The following MAST2 variants were observed in gnomAD, a reference collection of about 807,000 sequenced individuals.
MAST2 encodes the protein microtubule-associated serine/threonine-protein kinase 2.
MAST2 carries 70 observed loss-of-function variants against 147.4 expected under a neutral mutation model. That is an observed-to-expected ratio of 0.47 (90% confidence interval 0.39 to 0.58). The LOEUF (loss-of-function observed/expected upper bound fraction) is 0.58, where lower values mean the gene tolerates loss of function less well. Ranked by LOEUF, MAST2 falls within the 20% of genes least tolerant of loss-of-function variation. The pLI, the probability that MAST2 is intolerant of heterozygous loss-of-function variation, is 0.00. For missense variants in MAST2, 2,080 were observed against 2,302.3 expected, an observed-to-expected ratio of 0.90 and a Z score of 1.98; for synonymous variants, 869 against 896.8, an observed-to-expected ratio of 0.97 and a Z score of 0.55.
At chr1:45,853,192 A>G (rs1184087831) in intron 3 of MAST2, among the ~76,000 whole-genome samples, 1 of 152,122 alleles carries the variant, frequency 6.6e-6, no homozygotes, top group Non-Finnish European at 1.5e-5. Flanking sequence ...GGCCTCCCAA[A>G]GTGCTGGGAT....
chr1:45,811,970 A>G (rs1181949766), intron 1 of MAST2, among the ~76,000 whole-genome samples: 3 of 151,766 alleles, frequency 2.0e-5, no homozygotes, highest in Non-Finnish European at 4.4e-5. Context: ...GGGTTTCACC[A>G]TGTTGGCCAG....
At chr1:45,881,582 T>C (rs1646847017) in intron 3 of MAST2, among the ~76,000 whole-genome samples, 1 of 152,212 alleles carries the variant, frequency 6.6e-6, no homozygotes, top group African/African-American at 2.4e-5. Flanking sequence ...TTATTTCTTA[T>C]GCCAGTGGTG....
chr1:45,988,996 G>A (rs1644757239), intron 5 of MAST2, among the ~76,000 whole-genome samples: 1 of 152,096 alleles, frequency 6.6e-6, no homozygotes, highest in Non-Finnish European at 1.5e-5. Context: ...TCAAGATCTG[G>A]GTTCTAGGAA....
intron 5 of MAST2, among the ~76,000 whole-genome samples, chr1:45,982,655 G>C (rs530826238): frequency 3.9e-5 from 6 of 152,222 alleles, no homozygotes; most frequent in African/African-American, 1.4e-4. Flanking sequence ...GTAATAATAA[G>C]TATAGTGCTT....
intron 7 of MAST2, among the ~76,000 whole-genome samples, chr1:46,005,392 AT>A (rs1645446306): frequency 6.6e-6 from 1 of 150,458 alleles, no homozygotes; most frequent in Non-Finnish European, 1.5e-5. Flanking sequence ...CAGATCATTG[AT>A]TAGTTTGGTA....
intron 3 of MAST2, among the ~76,000 whole-genome samples, chr1:45,853,783 T>C (rs1645700282): frequency 6.6e-6 from 1 of 152,188 alleles, no homozygotes; most frequent in Admixed American, 6.5e-5. Context: ...TCTGATTGTG[T>C]TCTTGGTGTC....
At chr1:45,971,245 G>T (rs1643902201) in intron 5 of MAST2, among the ~76,000 whole-genome samples, 1 of 152,158 alleles carries the variant, frequency 6.6e-6, no homozygotes, top group Non-Finnish European at 1.5e-5. Flanking sequence ...ACCAAAGCTG[G>T]TCCACAGTTA....
chr1:45,906,543 AT>A (rs1007022259), intron 4 of MAST2, among the ~76,000 whole-genome samples: 3 of 147,946 alleles, frequency 2.0e-5, no homozygotes, highest in African/African-American at 7.7e-5. Context: ...TGTTAAAAAA[AT>A]AATGTAGCCT....
intron 4 of MAST2, chr1:45,913,950 T>C (rs929115628): frequency 4.8e-6 from 5 of 1,037,760 alleles, no homozygotes; most frequent in African/African-American, 1.7e-5. Context: ...CTAACACAGC[T>C]TCGTTCATTT....
At chr1:45,868,608 ATTATTTTGG>A (rs1646257957) in intron 3 of MAST2, among the ~76,000 whole-genome samples, 1 of 151,996 alleles carries the variant, frequency 6.6e-6, no homozygotes, top group South Asian at 2.1e-4. Context: ...CGGGTACTTA[ATTATTTTGG>A]AGGATATATG....
chr1:45,948,601 G>T (rs1486962866), intron 4 of MAST2, among the ~76,000 whole-genome samples: 1 of 150,314 alleles, frequency 6.7e-6, no homozygotes, highest in African/African-American at 2.4e-5. Flanking sequence ...CAGCTACCTG[G>T]GAGGCTGAGG....
chr1:45,812,335 T>C (rs1644327753), intron 1 of MAST2, among the ~76,000 whole-genome samples: 1 of 152,044 alleles, frequency 6.6e-6, no homozygotes, highest in Non-Finnish European at 1.5e-5. Context: ...GGTTGGCAAA[T>C]GTTCCCTGAT....
chr1:45,882,304 G>A (rs2148302499), intron 3 of MAST2, 60 bp from the exon 4 acceptor site: 1 of 1,130,494 alleles, frequency 8.8e-7, no homozygotes, highest in Non-Finnish European at 1.3e-6. Flanking sequence ...GGACATTTAG[G>A]TAGACCAACA....
In MAST2 at chr1:46,032,162, G is replaced by C; in HGVS notation, c.3188-16G>C. ...AAGCCCTCTGACCCACTAAGTCCTG[G>C]CTTCTCCTTCTCCAGAACACCACAC... On this transcript the variant is annotated splice_polypyrimidine_tract_variant and intron_variant, in intron 24 of 28. Transcript: ENST00000361297. 6.2e-7 allele frequency: 1 copy of C among 1,609,350 alleles called. No individual in the cohort carries two copies.
intron 17 of MAST2, among the ~76,000 whole-genome samples, chr1:46,028,075 C>T (rs568333355): frequency 2.0e-5 from 3 of 152,312 alleles, no homozygotes; most frequent in Admixed American, 2.0e-4. Flanking sequence ...CATATGCCTA[C>T]CTTGTAGCTA....
chr1:46,025,933 G>T, intron 16 of MAST2, 118 bp downstream of exon 16: 3 of 1,320,936 alleles, frequency 2.3e-6, no homozygotes, highest in Non-Finnish European at 3.2e-6. Context: ...ACATGCTCCT[G>T]TGTGTGTCCA....
intron 3 of MAST2, among the ~76,000 whole-genome samples, chr1:45,879,637 T>C (rs1316883480): frequency 6.7e-6 from 1 of 150,294 alleles, no homozygotes; most frequent in African/African-American, 2.4e-5. Flanking sequence ...TTAGAACATA[T>C]TTATAAAACA....
chr1:46,009,812 T>C (rs998424608), intron 9 of MAST2, among the ~76,000 whole-genome samples: 10 of 152,190 alleles, frequency 6.6e-5, no homozygotes, highest in Non-Finnish European at 1.3e-4. Context: ...ACACCACATA[T>C]ATATGTATGT....
chr1:45,954,532 C>T (rs887219890), intron 4 of MAST2, among the ~76,000 whole-genome samples: 7 of 152,184 alleles, frequency 4.6e-5, no homozygotes, highest in African/African-American at 1.7e-4. Context: ...GCTCCGGGGG[C>T]TTCCAGGCTA....
Sources: gnomAD v4.1 joint callset for allele counts (sites outside exome capture counted in the v4.1 genomes callset) on GRCh38, gnomAD v4.1.1 for gene constraint, MANE v1.5 for transcripts, NCBI Gene and HGNC (gene_info 2026-07-23, HGNC 2026-07-21) for gene names.